The following SLC5A4 variants were observed in gnomAD, a reference collection of about 807,000 sequenced individuals.
SLC5A4 encodes the protein solute carrier family 5 member 4.
SLC5A4 carries 55 observed loss-of-function variants against 70.3 expected under a neutral mutation model. The ratio of observed to expected loss-of-function variants is 0.78; its 90% CI spans 0.63 to 0.98. The LOEUF is 0.98. Ranked by LOEUF, SLC5A4 falls within the 50% of genes least tolerant of loss-of-function variation. The pLI, the probability that SLC5A4 is intolerant of heterozygous loss-of-function variation, is 0.00. For missense variants in SLC5A4, 735 were observed against 839.2 expected (o/e 0.88, Z 1.53); for synonymous variants, 268 against 305.7 (o/e 0.88, Z 1.29).
At chr22:32,222,352 T>C (rs190698373) in intron 13 of SLC5A4, among the ~76,000 whole-genome samples, 169 of 152,316 alleles carry the variant, frequency 1.1e-3, no homozygotes, top group African/African-American at 4.0e-3. Context: ...TGAAAGACTA[T>C]CATCCTGGGA....
chr22:32,260,676 A>G, the SLC5A4 span, among the ~76,000 whole-genome samples: 12 of 152,164 alleles, frequency 7.9e-5, no homozygotes, highest in Non-Finnish European at 1.8e-4. Flanking sequence ...CACTCTGAGC[A>G]ATGAGGTCTA....
chr22:32,265,449 T>G, the SLC5A4 span, among the ~76,000 whole-genome samples: 8 of 152,252 alleles, frequency 5.3e-5, no homozygotes, highest in African/African-American at 1.9e-4. Flanking sequence ...CAGAGAATCA[T>G]GAAACTGCAA....
At chr22:32,312,386 C>CGCACACACAT in the SLC5A4 span, among the ~76,000 whole-genome samples, 1 of 150,320 alleles carries the variant, frequency 6.7e-6, no homozygotes, top group Non-Finnish European at 1.5e-5. Flanking sequence ...CACACACACA[C>CGCACACACAT]GCACATTCAA....
rs374113003 is a variant in SLC5A4, at chr22:32,218,679, C to T, written c.1815G>A (p.Leu605=). The T allele has an allele frequency of 1.9e-6, 3 of 1,614,008 alleles. No individual in the cohort carries two copies. Among genetic ancestry groups the T allele is most frequent in the Non-Finnish European group, 2.5e-6 (3 of 1,180,000 alleles). The change falls in exon 15 of 15, where the codon TTG becomes TTA. Residue 605 remains leucine (L), a synonymous_variant. Coordinates refer to ENST00000266086, the MANE Select transcript of SLC5A4 (RefSeq NM_014227.3). ...SRGCLKKAYD[L]FCGLQKGPKL... Reference sequence around the variant, plus strand: ...TGGGTCCCTTCTGCAAACCGCAGAACAAGTCATAAGCTTTCTTGAGGCATC... The same window carrying T: ...TGGGTCCCTTCTGCAAACCGCAGAATAAGTCATAAGCTTTCTTGAGGCATC...
intron 11 of SLC5A4, among the ~76,000 whole-genome samples, chr22:32,228,065 T>C (rs1462775556): frequency 2.6e-5 from 4 of 152,116 alleles, no homozygotes; most frequent in Non-Finnish European, 5.9e-5. Flanking sequence ...GTCACAGTGG[T>C]TAGCTTTGGA....
At position 32,236,908 on chromosome 22, in the gene SLC5A4, G is replaced by A. The variant is rs1225862124; in HGVS notation, c.664+336C>T. Among the ~76,000 whole-genome samples the A allele has an allele frequency of 2.0e-5, 3 of 151,966 alleles. No individual in the cohort carries two copies. In the East Asian group the frequency reaches 5.8e-4, roughly 29 times the overall value. On this transcript the variant is annotated intron_variant, in intron 7 of 14. Transcript: ENST00000266086. ...TTTAGTAGAGACGGGGTTTCACCAC[G>A]TTAGCCAGGATGGCCTCGATCTCCT...
At chr22:32,311,970 C>G in the SLC5A4 span, among the ~76,000 whole-genome samples, 1 of 152,118 alleles carries the variant, frequency 6.6e-6, no homozygotes, top group Non-Finnish European at 1.5e-5. Flanking sequence ...CATGTGGCGC[C>G]TGGGCACCCC....
chr22:32,270,952 G>A, the SLC5A4 span: 4 of 552,700 alleles, frequency 7.2e-6, no homozygotes, highest in Non-Finnish European at 1.0e-5. Flanking sequence ...GCCTGAGCGG[G>A]GCTCACGATG....
At chr22:32,244,378 C>T (rs1353432145) in intron 5 of SLC5A4, among the ~76,000 whole-genome samples, 1 of 152,198 alleles carries the variant, frequency 6.6e-6, no homozygotes, top group Non-Finnish European at 1.5e-5. Context: ...TACACCACAG[C>T]ATTTTGACTT....
the SLC5A4 span, among the ~76,000 whole-genome samples, chr22:32,317,800 G>A: frequency 1.3e-5 from 2 of 152,176 alleles, no homozygotes; most frequent in South Asian, 4.1e-4. Flanking sequence ...AGTGAGACAT[G>A]TTCCTGCTGG....
chr22:32,235,148 T>C, intron 7 of SLC5A4, 55 bp from the exon 8 acceptor site: 1 of 1,297,652 alleles, frequency 7.7e-7, no homozygotes, highest in Non-Finnish European at 1.1e-6. Flanking sequence ...AGACATCCAA[T>C]GTTTATGATG....
chr22:32,272,436 C>G, the SLC5A4 span: 2 of 854,946 alleles, frequency 2.3e-6, no homozygotes, highest in African/African-American at 3.3e-5. Flanking sequence ...AGCTCTACAT[C>G]CACCAGATGA....
At chr22:32,299,425 C>T in the SLC5A4 span, among the ~76,000 whole-genome samples, 2 of 107,838 alleles carry the variant, frequency 1.9e-5, 1 homozygote, top group South Asian at 6.3e-4. Context: ...TCGCTGACAC[C>T]CTTTCTTCCA....
intron 2 of SLC5A4, among the ~76,000 whole-genome samples, chr22:32,252,209 G>A (rs1603236624): frequency 2.1e-5 from 3 of 145,776 alleles, no homozygotes; most frequent in South Asian, 2.2e-4. Context: ...CAGCCTGGGT[G>A]ACAGAGCAAG....
the SLC5A4 span, chr22:32,270,091 C>T: frequency 2.0e-6 from 1 of 507,488 alleles, no homozygotes; most frequent in East Asian, 4.7e-5. Context: ...GGACACATGG[C>T]CAGCTGGTCA....
At chr22:32,333,531 T>C in the SLC5A4 span, among the ~76,000 whole-genome samples, 1 of 152,070 alleles carries the variant, frequency 6.6e-6, no homozygotes, top group Non-Finnish European at 1.5e-5. Context: ...ATGTGTCCTT[T>C]ACCTCCAAGG....
Position 32,229,401 on chromosome 22 carries a change from C to T in SLC5A4, c.1130-57G>A, listed in dbSNP as rs1925611631. 2.5e-6 allele frequency: 4 copies of T among 1,578,334 alleles called. No individual in the cohort carries two copies. The South Asian group carries it at 3.4e-5, about 13-fold the overall frequency. ...AGTGGCTGGACACTGCCTTGCTAAA[C>T]CAGAGAGGGTTGAAAGGTTAAAAGT... On this transcript the variant is annotated intron_variant, in intron 10 of 14. Coordinates refer to ENST00000266086, the MANE Select transcript of SLC5A4 (RefSeq NM_014227.3).
At chr22:32,350,442 A>G in the SLC5A4 span, among the ~76,000 whole-genome samples, 7 of 152,134 alleles carry the variant, frequency 4.6e-5, no homozygotes, top group Non-Finnish European at 1.0e-4. Context: ...TCATGTCCTC[A>G]TCTACAGCTA....
the SLC5A4 span, among the ~76,000 whole-genome samples, chr22:32,346,771 T>C: frequency 6.8e-6 from 1 of 146,886 alleles, no homozygotes; most frequent in Non-Finnish European, 1.5e-5. Context: ...ACCTAGGCAT[T>C]ACCATTCAGG....
Sources: gnomAD v4.1 joint callset for allele counts (sites outside exome capture counted in the v4.1 genomes callset) on GRCh38, gnomAD v4.1.1 for gene constraint, MANE v1.5 for transcripts, NCBI Gene and HGNC (gene_info 2026-07-23, HGNC 2026-07-21) for gene names.